NHS: variants seen among roughly 807,000 people sequenced by gnomAD.
NHS encodes actin remodeling regulator NHS.
NHS carries 5 observed loss-of-function variants against 72.5 expected under a neutral mutation model. The observed-to-expected ratio is 0.07, with a 90% CI of 0.04 to 0.14. NHS has a LOEUF of 0.14. Ranked by LOEUF, NHS falls within the 10% of genes least tolerant of loss-of-function variation. NHS has a pLI of 1.00. For synonymous variants in NHS, 464 were observed against 547.7 expected, an observed-to-expected ratio of 0.85 and a Z score of 2.13; for missense variants, 1,072 against 1,355.7, an observed-to-expected ratio of 0.79 and a Z score of 3.29.
chrX:17,476,590 G>A (rs1459965692), intron 1 of NHS, among the ~76,000 whole-genome samples: 1 of 111,047 alleles, frequency 9.0e-6, no homozygotes, highest in African/African-American at 3.3e-5. Context: ...TTGTGTGTGG[G>A]TGTGTGTGTG....
chrX:17,637,190 G>A (rs745572392), intron 1 of NHS, among the ~76,000 whole-genome samples: 47 of 111,982 alleles, frequency 4.2e-4, no homozygotes, highest in Non-Finnish European at 6.4e-4. Flanking sequence ...AGGAGAGAGC[G>A]TCCAACAGCC....
chrX:17,547,354 C>G (rs928449062), intron 1 of NHS, among the ~76,000 whole-genome samples: 1 of 111,974 alleles, frequency 8.9e-6, no homozygotes, highest in African/African-American at 3.2e-5. Flanking sequence ...TGGATACCCC[C>G]TTTTTTCGTG....
At chrX:17,685,988 C>CT (rs780209034) in intron 1 of NHS, among the ~76,000 whole-genome samples, 1 of 112,055 alleles carries the variant, frequency 8.9e-6, no homozygotes, top group East Asian at 2.8e-4. Context: ...ATGCCTGAGA[C>CT]TAAGAGCTAC....
At chrX:17,384,230 T>C (rs1348238958) in intron 1 of NHS, among the ~76,000 whole-genome samples, 1 of 112,097 alleles carries the variant, frequency 8.9e-6, no homozygotes, top group Non-Finnish European at 1.9e-5. Flanking sequence ...TTGGTTAGTG[T>C]GTTCTCTTGG....
At position 17,727,340 on chromosome X, in the gene NHS, C is replaced by T; in HGVS notation, c.3234C>T (p.Asp1078=). 1 of 1,210,290 alleles carries T rather than the reference C, an allele frequency of 8.3e-7. No individual in the cohort carries two copies. Among genetic ancestry groups the T allele is most frequent in the East Asian group, 3.0e-5 (1 of 33,844 alleles). Residue 1078 remains aspartate (D), a synonymous_variant, in exon 7 of 9, where the codon GAC becomes GAT. Transcript: ENST00000676302. Reference sequence around the variant, plus strand: ...ATGGAACTATATCACTGAGTAAAGACCTTGAACTTCCAATTATACCTCCTA... The same window carrying T: ...ATGGAACTATATCACTGAGTAAAGATCTTGAACTTCCAATTATACCTCCTA... ...LKDGTISLSK[D]LELPIIPPTH...
intron 1 of NHS, among the ~76,000 whole-genome samples, chrX:17,508,815 T>C (rs1015127974): frequency 1.9e-4 from 21 of 112,474 alleles, no homozygotes; most frequent in African/African-American, 6.5e-4. Flanking sequence ...TTGGGCTCCT[T>C]CTACCTTTTG....
At chrX:17,516,117 T>C (rs1402545813) in intron 1 of NHS, among the ~76,000 whole-genome samples, 2 of 111,791 alleles carry the variant, frequency 1.8e-5, no homozygotes, top group African/African-American at 6.5e-5. Flanking sequence ...GTACTATAAT[T>C]TGAACATGTG....
At chrX:17,413,203 C>T (rs2064571271) in intron 1 of NHS, among the ~76,000 whole-genome samples, 1 of 112,214 alleles carries the variant, frequency 8.9e-6, no homozygotes, top group South Asian at 3.7e-4. Flanking sequence ...AACTCCTGTA[C>T]ATGTAATTTT....
intron 1 of NHS, among the ~76,000 whole-genome samples, chrX:17,479,054 A>G (rs1225566402): frequency 9.0e-6 from 1 of 110,978 alleles, no homozygotes; most frequent in Non-Finnish European, 1.9e-5. Flanking sequence ...TCCCTCCCCT[A>G]GCCCCTCACT....
chrX:17,548,273 C>T (rs1427473997), intron 1 of NHS, among the ~76,000 whole-genome samples: 1 of 110,804 alleles, frequency 9.0e-6, no homozygotes, highest in Non-Finnish European at 1.9e-5. Flanking sequence ...AGCCAGGAAA[C>T]CAGAAGGAAG....
chrX:17,419,274 G>A (rs2064611770), intron 1 of NHS, among the ~76,000 whole-genome samples: 1 of 112,346 alleles, frequency 8.9e-6, no homozygotes, highest in South Asian at 3.7e-4. Context: ...ATCGGGTTCT[G>A]AGCTGTTAAT....
intron 1 of NHS, among the ~76,000 whole-genome samples, chrX:17,478,892 A>G (rs1057022023): frequency 8.9e-6 from 1 of 111,804 alleles, no homozygotes; most frequent in African/African-American, 3.3e-5. Context: ...CTTTAATTTT[A>G]GTTTAATTTT....
chrX:17,427,703 G>T (rs1055018118), intron 1 of NHS, among the ~76,000 whole-genome samples: 6 of 112,471 alleles, frequency 5.3e-5, no homozygotes, highest in African/African-American at 1.9e-4. Context: ...TAGAGGCTGG[G>T]TTCAAACTTC....
At chrX:17,562,711 A>G (rs1435026788) in intron 1 of NHS, among the ~76,000 whole-genome samples, 1 of 112,411 alleles carries the variant, frequency 8.9e-6, no homozygotes, top group Non-Finnish European at 1.9e-5. Context: ...TTAAAGAAAG[A>G]GAGTTTTACA....
intron 1 of NHS, among the ~76,000 whole-genome samples, chrX:17,446,925 G>A (rs1569256418): frequency 8.9e-6 from 1 of 111,866 alleles, no homozygotes; most frequent in Non-Finnish European, 1.9e-5. Context: ...AACAAAATTA[G>A]GCTTAATATA....
intron 1 of NHS, among the ~76,000 whole-genome samples, chrX:17,555,047 G>A (rs1218055246): frequency 9.2e-6 from 1 of 109,198 alleles, no homozygotes; most frequent in Non-Finnish European, 1.9e-5. Context: ...TCCCCTCCCT[G>A]TGTCCATGTG....
intron 1 of NHS, among the ~76,000 whole-genome samples, chrX:17,486,678 A>G (rs929486585): frequency 8.9e-6 from 1 of 112,150 alleles, no homozygotes; most frequent in Non-Finnish European, 1.9e-5. Flanking sequence ...CCCAAAAGCA[A>G]TAAGTAGTAA....
chrX:17,556,831 G>A (rs1390638368), intron 1 of NHS, among the ~76,000 whole-genome samples: 1 of 110,809 alleles, frequency 9.0e-6, no homozygotes, highest in Non-Finnish European at 1.9e-5. Flanking sequence ...ATTTTTGTAG[G>A]CAAAAAATGG....
At chrX:17,465,598 G>T (rs1226960177) in intron 1 of NHS, among the ~76,000 whole-genome samples, 2 of 81,675 alleles carry the variant, frequency 2.4e-5, no homozygotes, top group Admixed American at 1.5e-4. Context: ...CATCTCAGAA[G>T]AATCTGCTCT....
Sources: gnomAD v4.1 joint callset for allele counts (sites outside exome capture counted in the v4.1 genomes callset) on GRCh38, gnomAD v4.1.1 for gene constraint, MANE v1.5 for transcripts, NCBI Gene and HGNC (gene_info 2026-07-23, HGNC 2026-07-21) for gene names.